The following SEMA5A variants were observed in gnomAD, a reference collection of about 807,000 sequenced individuals.
SEMA5A encodes the protein semaphorin-5A.
A neutral mutation model predicts 135.5 loss-of-function variants in SEMA5A; 55 were observed. The ratio of observed to expected loss-of-function variants is 0.41; its 90% CI spans 0.33 to 0.51. The LOEUF (loss-of-function observed/expected upper bound fraction) is 0.51, where lower values mean the gene tolerates loss of function less well. Ranked by LOEUF, SEMA5A falls within the 20% of genes least tolerant of loss-of-function variation. The pLI, the probability that SEMA5A is intolerant of heterozygous loss-of-function variation, is 0.37. For missense variants in SEMA5A, 1,290 were observed against 1,419.9 expected (o/e 0.91, Z 1.47); for synonymous variants, 580 against 546.5 (o/e 1.06, Z -0.85).
chr5:9,122,942 T>TTTG (rs761383074), intron 13 of SEMA5A, 105 bp from the exon 14 acceptor site: 17 of 1,068,670 alleles, frequency 1.6e-5, no homozygotes, highest in South Asian at 2.1e-5. Flanking sequence ...TCCTCTAGAA[T>TTTG]TTGTTGTTGT....
chr5:9,419,497 T>A (rs1483311261), intron 2 of SEMA5A, among the ~76,000 whole-genome samples: 1 of 152,182 alleles, frequency 6.6e-6, no homozygotes, highest in Non-Finnish European at 1.5e-5. Flanking sequence ...ATCTCTGAGC[T>A]CAGGATGAAA....
intron 1 of SEMA5A, among the ~76,000 whole-genome samples, chr5:9,524,839 G>A (rs1324394520): frequency 6.6e-6 from 1 of 152,164 alleles, no homozygotes; most frequent in East Asian, 1.9e-4. Context: ...TTCCCATGAA[G>A]GGATTTGAGT....
intron 9 of SEMA5A, among the ~76,000 whole-genome samples, chr5:9,200,212 C>T (rs938487300): frequency 1.3e-5 from 2 of 152,178 alleles, no homozygotes; most frequent in Admixed American, 6.5e-5. Flanking sequence ...GTATAGATTC[C>T]GTACATTGGG....
chr5:9,153,838 G>T (rs1267529014), intron 12 of SEMA5A, among the ~76,000 whole-genome samples: 4 of 151,516 alleles, frequency 2.6e-5, no homozygotes, highest in African/African-American at 9.7e-5. Flanking sequence ...TTGAGGTCAG[G>T]AGTTCAAGAC....
intron 21 of SEMA5A, 34 bp downstream of exon 21, chr5:9,050,376 C>A (rs192771200): frequency 1.3e-6 from 2 of 1,563,964 alleles, no homozygotes. Flanking sequence ...TATATCAGTA[C>A]ATCCATTACA....
intron 1 of SEMA5A, among the ~76,000 whole-genome samples, chr5:9,450,702 C>T (rs1758610303): frequency 6.6e-6 from 1 of 150,666 alleles, no homozygotes; most frequent in South Asian, 2.1e-4. Flanking sequence ...CTTTAGAAAA[C>T]ACATATGTGC....
At chr5:9,541,179 C>T (rs1042808413) in intron 1 of SEMA5A, among the ~76,000 whole-genome samples, 3 of 152,284 alleles carry the variant, frequency 2.0e-5, no homozygotes, top group African/African-American at 7.2e-5. Flanking sequence ...AATTTCACGT[C>T]TCAACAAATA....
At chr5:9,044,065 A>G (rs1736106707) in intron 22 of SEMA5A, among the ~76,000 whole-genome samples, 1 of 152,062 alleles carries the variant, frequency 6.6e-6, no homozygotes, top group Non-Finnish European at 1.5e-5. Context: ...GAGTGAGGGG[A>G]GATGCTCATG....
intron 2 of SEMA5A, among the ~76,000 whole-genome samples, chr5:9,423,515 C>T (rs1436755808): frequency 6.6e-6 from 1 of 152,222 alleles, no homozygotes; most frequent in Non-Finnish European, 1.5e-5. Context: ...CAGCAGAATA[C>T]TTCTGCCTCA....
At chr5:9,421,877 T>TG (rs1757482364) in intron 2 of SEMA5A, among the ~76,000 whole-genome samples, 1 of 152,240 alleles carries the variant, frequency 6.6e-6, no homozygotes, top group Admixed American at 6.5e-5. Context: ...CATCAATTTG[T>TG]AAGAGCTCTT....
At chr5:9,494,095 T>C (rs1735176163) in intron 1 of SEMA5A, among the ~76,000 whole-genome samples, 1 of 152,180 alleles carries the variant, frequency 6.6e-6, no homozygotes, top group African/African-American at 2.4e-5. Flanking sequence ...TCCTGTTTAA[T>C]CAAACCAAAT....
chr5:9,096,461 G>T (rs199867205), intron 16 of SEMA5A, among the ~76,000 whole-genome samples: 1 of 150,686 alleles, frequency 6.6e-6, no homozygotes, highest in Admixed American at 6.6e-5. Flanking sequence ...CTCTTTCTTT[G>T]TTTGGTTTAT....
intron 12 of SEMA5A, among the ~76,000 whole-genome samples, chr5:9,145,425 A>G (rs932479381): frequency 2.0e-5 from 3 of 152,186 alleles, no homozygotes; most frequent in African/African-American, 7.2e-5. Context: ...TTTTGCAAAC[A>G]TATGAGAACA....
At chr5:9,380,952 T>C (rs1313601915) in intron 2 of SEMA5A, among the ~76,000 whole-genome samples, 4 of 151,358 alleles carry the variant, frequency 2.6e-5, no homozygotes, top group Non-Finnish European at 5.9e-5. Context: ...GGGAGGAGGA[T>C]GAAAAGGCAC....
intron 1 of SEMA5A, among the ~76,000 whole-genome samples, chr5:9,452,299 T>G (rs1758673705): frequency 6.6e-6 from 1 of 152,220 alleles, no homozygotes; most frequent in South Asian, 2.1e-4. Flanking sequence ...AATTCCAATT[T>G]GCTTTGACAG....
intron 1 of SEMA5A, among the ~76,000 whole-genome samples, chr5:9,533,309 T>C (rs1737561900): frequency 6.6e-6 from 1 of 152,198 alleles, no homozygotes; most frequent in Admixed American, 6.5e-5. Flanking sequence ...ATTGGCTTGC[T>C]CCTCTGGAAT....
intron 8 of SEMA5A, among the ~76,000 whole-genome samples, chr5:9,207,102 GTATATATA>G (rs70943947): frequency 0.28 from 26,929 of 97,616 alleles, 3,570 homozygotes; most frequent in Middle Eastern, 0.31. Flanking sequence ...ATGATCAAGT[GTATATATA>G]TATATATATA....
chr5:9,483,919 G>A (rs1035931838), intron 1 of SEMA5A, among the ~76,000 whole-genome samples: 4 of 152,152 alleles, frequency 2.6e-5, no homozygotes, highest in African/African-American at 7.2e-5. Context: ...CCTTCTTTCT[G>A]CCTGACACAG....
At chr5:9,510,064 C>T (rs769418782) in intron 1 of SEMA5A, among the ~76,000 whole-genome samples, 19 of 152,154 alleles carry the variant, frequency 1.2e-4, no homozygotes, top group South Asian at 6.3e-4. Context: ...CAAGGGGCCA[C>T]GACGGTGGAA....
Sources: gnomAD v4.1 joint callset for allele counts (sites outside exome capture counted in the v4.1 genomes callset) on GRCh38, gnomAD v4.1.1 for gene constraint, MANE v1.5 for transcripts, NCBI Gene and HGNC (gene_info 2026-07-23, HGNC 2026-07-21) for gene names.